The following DAPK2 variants were observed in gnomAD, a reference collection of about 807,000 sequenced individuals.
DAPK2 encodes death-associated protein kinase 2.
A neutral mutation model predicts 44.1 loss-of-function variants in DAPK2; 35 were observed. The observed-to-expected ratio is 0.79, with a 90% CI of 0.61 to 1.05. DAPK2 has a LOEUF of 1.05. Among genes scored for constraint, DAPK2 ranks in the 50% least tolerant of loss-of-function variants. The pLI, the probability that DAPK2 is intolerant of heterozygous loss-of-function variation, is 0.00. For missense variants in DAPK2, 453 were observed against 483.2 expected, an observed-to-expected ratio of 0.94 and a Z score of 0.59; for synonymous variants, 174 against 182.6, an observed-to-expected ratio of 0.95 and a Z score of 0.38.
intron 3 of DAPK2, among the ~76,000 whole-genome samples, chr15:63,959,321 C>G (rs1595800626): frequency 6.6e-6 from 1 of 152,280 alleles, no homozygotes; most frequent in East Asian, 1.9e-4. Flanking sequence ...TTGACTTCCT[C>G]TTTTCCTAAT....
chr15:63,909,814 A>C (rs953090417), intron 10 of DAPK2: 1 of 152,052 alleles, frequency 6.6e-6, no homozygotes, highest in African/African-American at 2.4e-5. Context: ...AAAAAAAAAA[A>C]ATTGACATTC....
chr15:63,926,102 G>T lies in DAPK2; in HGVS notation c.660-9C>A, dbSNP rs367589313. ...GGGATGCTCCACTTAAGCTGAGTAC[G>T]ACAGACAGGGAATCAAATAACTAAG... On this transcript the variant is annotated splice_polypyrimidine_tract_variant and intron_variant, in intron 6 of 10. Transcript: ENST00000261891. 1.3e-6 allele frequency: 2 copies of T among 1,590,684 alleles called. No homozygotes were observed. The highest frequency in any genetic ancestry group is 1.7e-6 in the Non-Finnish European group (2 of 1,168,456).
intron 3 of DAPK2, among the ~76,000 whole-genome samples, chr15:63,941,680 T>C (rs184066427): frequency 2.0e-5 from 3 of 152,360 alleles, no homozygotes; most frequent in African/African-American, 7.2e-5. Context: ...TTTTTGCTTT[T>C]TTATTCTTCT....
rs779226181 is a variant in DAPK2, at chr15:63,924,869, G to A, written c.813-8C>T. On this transcript the variant is annotated splice_region_variant and splice_polypyrimidine_tract_variant and intron_variant, in intron 7 of 10. Coordinates refer to ENST00000261891, the Ensembl canonical transcript of DAPK2. ...TGGATTGTGAGCCGTTTCCTGCAAT[G>A]AGGATTGGGAAACAGTGATGATCCA... The A allele has an allele frequency of 1.9e-6, 3 of 1,614,096 alleles. No homozygotes were observed. Among genetic ancestry groups the A allele is most frequent in the East Asian group, 4.5e-5 (2 of 44,886 alleles).
At chr15:64,016,735 A>G (rs2079535845) in intron 1 of DAPK2, among the ~76,000 whole-genome samples, 1 of 151,644 alleles carries the variant, frequency 6.6e-6, no homozygotes, top group African/African-American at 2.4e-5. Context: ...CAAGGCCACA[A>G]TGAGCCATGA....
At chr15:64,045,245 C>G (rs1005000010), upstream of DAPK2, among the ~76,000 whole-genome samples, 3 of 152,202 alleles carry the variant, frequency 2.0e-5, no homozygotes, top group African/African-American at 7.2e-5. Context: ...CCCAAGTCTC[C>G]TCTGAAGGTG....
At chr15:63,999,680 C>T (rs1166370134) in intron 1 of DAPK2, among the ~76,000 whole-genome samples, 1 of 152,064 alleles carries the variant, frequency 6.6e-6, no homozygotes, top group Non-Finnish European at 1.5e-5. Context: ...AGTCCCCTGC[C>T]CCATTCCTCT....
At chr15:63,971,644 C>G (rs71394534) in intron 2 of DAPK2, 83 bp from the exon 4 acceptor site, 3 of 1,459,594 alleles carry the variant, frequency 2.1e-6, no homozygotes, top group Non-Finnish European at 1.9e-6. Flanking sequence ...GGGGCAAGCC[C>G]TCATCCTGAC....
intron 1 of DAPK2, among the ~76,000 whole-genome samples, chr15:64,035,060 C>T (rs560821932): frequency 2.5e-4 from 38 of 151,778 alleles, no homozygotes; most frequent in Non-Finnish European, 4.6e-4. Context: ...CCTAGCTACT[C>T]GGGAGGCTGA....
Position 63,929,026 on chromosome 15 carries a change from C to T in DAPK2, c.659+525G>A, listed in dbSNP as rs998326068. On this transcript the variant is annotated intron_variant, in intron 6 of 10. Coordinates refer to ENST00000261891, the Ensembl canonical transcript of DAPK2. ...GACCAGTCTGGCCAACATGGTGAAA[C>T]CCTGTCTCTACTAAAAATACAAAAT... Among the ~76,000 whole-genome samples the T allele has an allele frequency of 2.0e-5, 3 of 152,184 alleles. No homozygotes were observed. The East Asian group carries it at 5.8e-4, about 29-fold the overall frequency.
intron 1 of DAPK2, among the ~76,000 whole-genome samples, chr15:64,030,470 G>A (rs1432581239): frequency 6.6e-6 from 1 of 152,084 alleles, no homozygotes; most frequent in Non-Finnish European, 1.5e-5. Flanking sequence ...AGTCTCATGG[G>A]TTTAAGAACC....
intron 1 of DAPK2, among the ~76,000 whole-genome samples, chr15:64,028,858 C>T (rs543941615): frequency 4.6e-5 from 7 of 152,132 alleles, no homozygotes; most frequent in East Asian, 1.9e-4. Flanking sequence ...AGAGAAATGA[C>T]AAAATGTTAT....
At chr15:63,937,334 A>C (rs1053747867) in intron 4 of DAPK2, among the ~76,000 whole-genome samples, 3 of 152,160 alleles carry the variant, frequency 2.0e-5, no homozygotes, top group African/African-American at 4.8e-5. Flanking sequence ...CCAATGCTAT[A>C]AATTAGGGAA....
chr15:64,017,878 C>A (rs1222171555), intron 1 of DAPK2, among the ~76,000 whole-genome samples: 1 of 152,178 alleles, frequency 6.6e-6, no homozygotes, highest in African/African-American at 2.4e-5. Flanking sequence ...AGGACAAACA[C>A]CACTGCTCCT....
intron 1 of DAPK2, among the ~76,000 whole-genome samples, chr15:64,024,991 G>T (rs1276898988): frequency 6.6e-6 from 1 of 152,106 alleles, no homozygotes; most frequent in Non-Finnish European, 1.5e-5. Context: ...GCCAGCCCTG[G>T]AAATGGATTA....
At chr15:63,960,337 T>A (rs2077857385) in intron 3 of DAPK2, among the ~76,000 whole-genome samples, 1 of 152,214 alleles carries the variant, frequency 6.6e-6, no homozygotes, top group East Asian at 1.9e-4. Context: ...GGGTTTTTTG[T>A]GTCTCTATCT....
chr15:63,937,324 C>T (rs1392428980), intron 4 of DAPK2, among the ~76,000 whole-genome samples: 2 of 152,144 alleles, frequency 1.3e-5, no homozygotes, highest in African/African-American at 4.8e-5. Context: ...TTGAAATTGG[C>T]CAATGCTATA....
At chr15:63,949,103 T>C (rs1567226385) in intron 3 of DAPK2, among the ~76,000 whole-genome samples, 1 of 152,166 alleles carries the variant, frequency 6.6e-6, no homozygotes, top group Non-Finnish European at 1.5e-5. Context: ...ATCAGTTTGC[T>C]GTGCAGCTCC....
chr15:63,938,539 C>A (rs1161121004), intron 4 of DAPK2, among the ~76,000 whole-genome samples: 2 of 152,168 alleles, frequency 1.3e-5, no homozygotes, highest in African/African-American at 4.8e-5. Flanking sequence ...GGACATCATG[C>A]CCTCCCTATC....
Sources: allele counts gnomAD v4.1 joint callset (sites outside exome capture counted in the v4.1 genomes callset), GRCh38; gene constraint gnomAD v4.1.1; transcripts MANE v1.5; gene names NCBI Gene and HGNC (gene_info 2026-07-23, HGNC 2026-07-21).